NLGN1: variants seen among roughly 807,000 people sequenced by gnomAD.
NLGN1 encodes the protein neuroligin 1.
A neutral mutation model predicts 65.5 loss-of-function variants in NLGN1; 12 were observed. The ratio of observed to expected loss-of-function variants is 0.18; its 90% confidence interval spans 0.12 to 0.30. The LOEUF (loss-of-function observed/expected upper bound fraction) is 0.30. Among genes scored for constraint, NLGN1 ranks in the 10% least tolerant of loss-of-function variants. NLGN1 has a pLI of 1.00. For synonymous variants in NLGN1, 350 were observed against 359.5 expected (o/e 0.97, Z 0.30); for missense variants, 750 against 1,007.1 (o/e 0.74, Z 3.46).
intron 4 of NLGN1, among the ~76,000 whole-genome samples, chr3:174,263,235 C>T (rs929288081): frequency 6.0e-5 from 9 of 149,576 alleles, no homozygotes; most frequent in African/African-American, 1.2e-4. Context: ...TCCTGGGTAT[C>T]CTTGTTGACT....
chr3:174,282,827 T>C (rs1004986284), exon 7 of NLGN1: 1 of 152,144 alleles, frequency 6.6e-6, no homozygotes, highest in Non-Finnish European at 1.5e-5. Flanking sequence ...TTACATTTTT[T>C]CAGATGACTA....
At chr3:173,894,780 G>C in intron 4 of NLGN1, among the ~76,000 whole-genome samples, 1 of 151,784 alleles carries the variant, frequency 6.6e-6, no homozygotes, top group Non-Finnish European at 1.5e-5. Context: ...TAGGATTATA[G>C]GTGTGGGCCA....
At chr3:173,502,496 T>C (rs1305870674) in intron 2 of NLGN1, among the ~76,000 whole-genome samples, 1 of 152,154 alleles carries the variant, frequency 6.6e-6, no homozygotes, top group African/African-American at 2.4e-5. Context: ...AATTTCATTT[T>C]TCACAAAAGG....
At chr3:173,822,812 A>G (rs1218355801) in intron 4 of NLGN1, among the ~76,000 whole-genome samples, 3 of 152,138 alleles carry the variant, frequency 2.0e-5, no homozygotes, top group Non-Finnish European at 4.4e-5. Context: ...AAATGATACC[A>G]TATAATTAAG....
At chr3:174,222,000 A>C (rs1738762050) in intron 4 of NLGN1, among the ~76,000 whole-genome samples, 1 of 152,110 alleles carries the variant, frequency 6.6e-6, no homozygotes, top group African/African-American at 2.4e-5. Flanking sequence ...AATTTCACTA[A>C]TATCTGAGAA....
intron 4 of NLGN1, among the ~76,000 whole-genome samples, chr3:174,179,480 T>C (rs1277917920): frequency 1.3e-5 from 2 of 152,098 alleles, no homozygotes; most frequent in African/African-American, 2.4e-5. Context: ...AGGTCAAATA[T>C]CAAGCGGATT....
At chr3:173,563,781 C>T (rs1244987393) in intron 2 of NLGN1, among the ~76,000 whole-genome samples, 6 of 152,118 alleles carry the variant, frequency 3.9e-5, no homozygotes, top group Non-Finnish European at 8.8e-5. Context: ...TTACATCCAC[C>T]CCAGTTAAAG....
At chr3:173,958,523 G>T (rs1712708316) in intron 4 of NLGN1, among the ~76,000 whole-genome samples, 1 of 152,140 alleles carries the variant, frequency 6.6e-6, no homozygotes, top group Admixed American at 6.5e-5. Flanking sequence ...CCACAGTGAG[G>T]TCATCCCATT....
intron 4 of NLGN1, among the ~76,000 whole-genome samples, chr3:173,812,471 T>C (rs1414330219): frequency 6.6e-6 from 1 of 152,012 alleles, no homozygotes; most frequent in Non-Finnish European, 1.5e-5. Flanking sequence ...TGCATGCCTG[T>C]AATCTCAGCA....
intron 1 of NLGN1, among the ~76,000 whole-genome samples, chr3:173,409,203 C>T (rs1021501251): frequency 1.3e-5 from 2 of 152,146 alleles, no homozygotes; most frequent in African/African-American, 2.4e-5. Flanking sequence ...CCATCTTTAA[C>T]ATTGCAATAT....
At chr3:173,658,746 C>G (rs543465104) in intron 3 of NLGN1, among the ~76,000 whole-genome samples, 2 of 152,100 alleles carry the variant, frequency 1.3e-5, no homozygotes, top group Non-Finnish European at 2.9e-5. Context: ...GGTATGTAGG[C>G]ATGGTGTTGA....
chr3:173,437,264 G>T (rs533879520), intron 2 of NLGN1, among the ~76,000 whole-genome samples: 181 of 152,180 alleles, frequency 1.2e-3, no homozygotes, highest in Non-Finnish European at 1.4e-3. Context: ...TTCAGCTGTT[G>T]GTATTGTCTG....
intron 4 of NLGN1, among the ~76,000 whole-genome samples, chr3:173,860,436 A>T (rs1728830531): frequency 6.6e-6 from 1 of 151,798 alleles, no homozygotes; most frequent in Non-Finnish European, 1.5e-5. Flanking sequence ...CAATTATTTT[A>T]TCTTTTCTCA....
chr3:174,207,406 A>G (rs971259121), intron 4 of NLGN1, among the ~76,000 whole-genome samples: 2 of 152,216 alleles, frequency 1.3e-5, no homozygotes, highest in African/African-American at 4.8e-5. Flanking sequence ...ATACATTTCT[A>G]TCAAATCAAT....
intron 4 of NLGN1, among the ~76,000 whole-genome samples, chr3:174,264,182 G>T (rs1474829961): frequency 9.0e-4 from 134 of 149,174 alleles, no homozygotes; most frequent in African/African-American, 3.1e-3. Context: ...TCTTCTCGAG[G>T]AGTATCTTTG....
intron 3 of NLGN1, among the ~76,000 whole-genome samples, chr3:173,786,388 T>C (rs16830475): frequency 0.14 from 21,239 of 152,156 alleles, 2,118 homozygotes; most frequent in African/African-American, 0.29. Flanking sequence ...TTCTCCCTGC[T>C]CTTCTGATTA....
intron 4 of NLGN1, among the ~76,000 whole-genome samples, chr3:173,992,873 A>G (rs1474263223): frequency 6.6e-6 from 1 of 152,232 alleles, no homozygotes; most frequent in Non-Finnish European, 1.5e-5. Flanking sequence ...AGTAACCTGG[A>G]AAAGATTTCC....
intron 4 of NLGN1, among the ~76,000 whole-genome samples, chr3:173,848,319 A>G (rs1364335520): frequency 1.3e-5 from 2 of 152,236 alleles, no homozygotes; most frequent in African/African-American, 4.8e-5. Flanking sequence ...TCTCTGACAG[A>G]CAGTGAACCT....
intron 2 of NLGN1, among the ~76,000 whole-genome samples, chr3:173,495,135 A>G (rs1261194787): frequency 6.6e-6 from 1 of 151,768 alleles, no homozygotes. Flanking sequence ...GTTCAGGAGT[A>G]TAACTATCTA....
Sources: allele counts gnomAD v4.1 joint callset (sites outside exome capture counted in the v4.1 genomes callset), GRCh38; gene constraint gnomAD v4.1.1; transcripts MANE v1.5; gene names NCBI Gene and HGNC (gene_info 2026-07-23, HGNC 2026-07-21).